Variants in NFE2 observed in about 807,000 individuals in gnomAD.
The protein encoded by NFE2 is nuclear factor, erythroid 2.
A neutral mutation model predicts 25.8 loss-of-function variants in NFE2; 13 were observed. The ratio of observed to expected loss-of-function variants is 0.50; its 90% CI spans 0.33 to 0.80. The LOEUF (loss-of-function observed/expected upper bound fraction) is 0.80, where lower values mean the gene tolerates loss of function less well. Ranked by LOEUF, NFE2 falls within the 30% of genes least tolerant of loss-of-function variation. NFE2 has a pLI of 0.02. For missense variants in NFE2, 382 were observed against 478.9 expected (o/e 0.80, Z 1.89); for synonymous variants, 204 against 200.2 (o/e 1.02, Z -0.16).
At chr12:54,298,975 T>A (rs1944398687) in intron 1 of NFE2, among the ~76,000 whole-genome samples, 1 of 150,292 alleles carries the variant, frequency 6.7e-6, no homozygotes, top group Non-Finnish European at 1.5e-5. Context: ...TGCTTGAACC[T>A]GGGCGGTAGA....
chr12:54,299,915 GAAGA>G (rs2137062226), intron 1 of NFE2, among the ~76,000 whole-genome samples: 1 of 152,168 alleles, frequency 6.6e-6, no homozygotes, highest in African/African-American at 2.4e-5. Flanking sequence ...GAGAACTCCC[GAAGA>G]GAGAGAGACA....
rs1312822686 is a variant in NFE2 at position 54,295,258 on chromosome 12, C to T, written c.-10G>A. ...GAGGACACGGGGACATCCTACTGGG[C>T]CAGAGTCTGGTCCAGGTTCCCGGAA... On this transcript the variant is annotated 5_prime_UTR_variant, in exon 2 of 3. Coordinates refer to ENST00000435572, the MANE Select transcript of NFE2 (RefSeq NM_001136023.3). The T allele has an allele frequency of 6.2e-7, 1 of 1,611,948 alleles. No homozygotes were observed. The highest frequency in any genetic ancestry group is 1.1e-5 in the South Asian group (1 of 91,004).
intron 1 of NFE2, among the ~76,000 whole-genome samples, chr12:54,299,018 T>C (rs1373070834): frequency 6.8e-6 from 1 of 147,362 alleles, no homozygotes; most frequent in Admixed American, 6.8e-5. Flanking sequence ...GCCACTACAC[T>C]CCAGCCTGGG....
chr12:54,296,366 C>T (rs1054811120), intron 1 of NFE2, among the ~76,000 whole-genome samples: 15 of 145,954 alleles, frequency 1.0e-4, no homozygotes, highest in African/African-American at 3.3e-4. Context: ...GCCGAGATCG[C>T]GCCACTGCAC....
intron 1 of NFE2, among the ~76,000 whole-genome samples, chr12:54,299,536 G>A (rs1398675392): frequency 6.6e-6 from 1 of 152,200 alleles, no homozygotes; most frequent in African/African-American, 2.4e-5. Context: ...AAATGGGGTT[G>A]TCACCAGGGA....
chr12:54,293,675 C>T (rs35365748), intron 2 of NFE2, among the ~76,000 whole-genome samples: 10 of 151,866 alleles, frequency 6.6e-5, no homozygotes, highest in Non-Finnish European at 1.3e-4. Context: ...ATGGTGAAAC[C>T]CCATCTCTGC....
chr12:54,293,519 G>T, intron 2 of NFE2, 138 bp from the exon 3 acceptor site: 1 of 994,746 alleles, frequency 1.0e-6, no homozygotes, highest in Non-Finnish European at 1.4e-6. Context: ...ATCACGGGAA[G>T]CTTCCTGCAA....
intron 1 of NFE2, chr12:54,297,765 A>G (rs1459835092): frequency 5.3e-5 from 8 of 151,280 alleles, no homozygotes; most frequent in Admixed American, 2.0e-4. Flanking sequence ...ACCACTCACC[A>G]CAAGGATGGC....
intron 1 of NFE2, chr12:54,300,107 A>T (rs1944409691): frequency 6.6e-6 from 1 of 152,126 alleles, no homozygotes; most frequent in South Asian, 2.1e-4. Context: ...GTCCTTTGGT[A>T]CCGATGTCTA....
rs1182088427 is a variant in NFE2, at chr12:54,292,866, G to T, written c.630C>A (p.Gly210=). Residue 210 remains glycine (G), a synonymous_variant, in exon 3 of 3, where the codon GGC becomes GGA. Coordinates refer to ENST00000435572, the MANE Select transcript of NFE2 (RefSeq NM_001136023.3). Reference sequence around the variant, plus strand: ...GTGCAGTGGGCTTAGCCCGCACAGGGCCTGAGGAGGGCTCTAAGGCCAAGG... The same window carrying T: ...GTGCAGTGGGCTTAGCCCGCACAGGTCCTGAGGAGGGCTCTAAGGCCAAGG... ...ETPLALEPSS[G]PVRAKPTARG... 2 of 1,613,850 alleles carry T rather than the reference G, an allele frequency of 1.2e-6. No individual in the cohort carries two copies. Among genetic ancestry groups the T allele is most frequent in the Admixed American group, 3.3e-5 (2 of 60,008 alleles).
In NFE2 at chr12:54,292,457, G is replaced by C. The variant is rs769625331; in HGVS notation, c.1039C>G (p.Pro347Ala). ...LRDESGNSYS[P>A]EEYALQQAAD... Reference sequence around the variant, plus strand: ...GCCTGTTGCAGCGCGTACTCTTCAGGAGAGTAGCTGTTGCCTGATTCATCC... The same window carrying C: ...GCCTGTTGCAGCGCGTACTCTTCAGCAGAGTAGCTGTTGCCTGATTCATCC... Residue 347 changes from proline to alanine, a missense_variant, in exon 3 of 3, where the codon CCT becomes GCT. Pro to Ala is a conservative substitution (Grantham distance 27). Coordinates refer to ENST00000435572, the MANE Select transcript of NFE2 (RefSeq NM_001136023.3). 4 of 1,614,196 alleles carry C rather than the reference G, an allele frequency of 2.5e-6. No homozygotes were observed. The South Asian group carries it at 4.4e-5, about 18-fold the overall frequency.
At chr12:54,295,652 G>A (rs911655435) in intron 1 of NFE2, 3 of 181,914 alleles carry the variant, frequency 1.6e-5, no homozygotes, top group Admixed American at 5.6e-5. Flanking sequence ...GTTTTGCTGT[G>A]TTTTGTTTTC....
chr12:54,294,286 A>T (rs1191958495), intron 2 of NFE2, among the ~76,000 whole-genome samples: 1 of 151,896 alleles, frequency 6.6e-6, no homozygotes, highest in Admixed American at 6.6e-5. Flanking sequence ...TTCCTTCAGG[A>T]AGTCAAAGCC....
Position 54,292,347 on chromosome 12 carries a change from T to C in NFE2, c.*27A>G. ...TCAGAAGGGAATGAAGGAAATCCCA[T>C]CAGCAGTTCCACCCCTCTGGGCCAG... On this transcript the variant is annotated 3_prime_UTR_variant, in exon 3 of 3. Transcript: ENST00000435572. 6.2e-7 allele frequency: 1 copy of C among 1,600,812 alleles called. No individual in the cohort carries two copies. Among genetic ancestry groups the C allele is most frequent in the Non-Finnish European group, 8.5e-7 (1 of 1,170,228 alleles).
rs137936359 is a variant in NFE2, at chr12:54,292,482, C to T, written c.1014G>A (p.Arg338=). 468 of 1,614,076 alleles carry T rather than the reference C, an allele frequency of 2.9e-4. 2 individuals are homozygous for T. The highest frequency in any genetic ancestry group is 1.2e-4 in the Admixed American group (7 of 60,004). ...ELYRDIFQHL[R]DESGNSYSPE... is the part of the protein sequence containing the mutation. ...GAGAGTAGCTGTTGCCTGATTCATC[C>T]CGAAGGTGCTGGAAAATGTCACGGT... The change falls in exon 3 of 3, where the codon CGG becomes CGA. Residue 338 remains arginine (R), a synonymous_variant. Coordinates refer to ENST00000435572, the MANE Select transcript of NFE2 (RefSeq NM_001136023.3).
At position 54,292,950 on chromosome 12, in the gene NFE2, G is replaced by A. The variant is rs994786966; in HGVS notation, c.546C>T (p.Tyr182=). 8.2e-6 allele frequency: 13 copies of A among 1,587,316 alleles called. No individual in the cohort carries two copies. Among genetic ancestry groups the A allele is most frequent in the Middle Eastern group, 3.4e-4 (2 of 5,930 alleles). The stretch of plus-strand genomic sequence containing the variant: ...GGGCCAAGGAGTTGGGCATGAGTGA[G>A]TAGGGGTACTCCACTGGGTACATCT... ...YVEMYPVEYP[Y]SLMPNSLAHS... is the part of the protein sequence containing the mutation. Residue 182 remains tyrosine, a synonymous_variant, in exon 3 of 3, where the codon TAC becomes TAT. Transcript: ENST00000435572.
Position 54,295,128 on chromosome 12 carries a change from T to G in NFE2, c.114+7A>C, listed in dbSNP as rs759705184. The G allele has an allele frequency of 2.5e-6, 4 of 1,610,410 alleles. No individual in the cohort carries two copies. In the East Asian group the frequency reaches 8.9e-5, roughly 36 times the overall value. The stretch of plus-strand genomic sequence containing the variant: ...CGGCCTCCCCTGCCCTATCCCCCCT[T>G]ACTCACCTGCAGCTCGGTGATGGAC... On this transcript the variant is annotated splice_region_variant and intron_variant, in intron 2 of 2. Coordinates refer to ENST00000435572, the MANE Select transcript of NFE2 (RefSeq NM_001136023.3).
In NFE2 at chr12:54,295,173, G is replaced by A. The variant is rs745525614; in HGVS notation, c.76C>T (p.Leu26=). 6.8e-6 allele frequency: 11 copies of A among 1,614,094 alleles called. No individual in the cohort carries two copies. Among genetic ancestry groups the A allele is most frequent in the Non-Finnish European group, 9.3e-6 (11 of 1,180,008 alleles). The change falls in exon 2 of 3, where the codon CTG becomes TTG. Residue 26 remains leucine (L), a synonymous_variant. Transcript: ENST00000435572. ...ATGGACATGATCTCCTGCCAAGTCA[G>A]TTCCATCTCTCCTAGCTCTGAAGTG... The part of the protein sequence containing the change: ...LSTSELGEME[L]TWQEIMSITE...
chr12:54,294,197 C>T (rs1010384942), intron 2 of NFE2, among the ~76,000 whole-genome samples: 1 of 147,784 alleles, frequency 6.8e-6, no homozygotes, highest in African/African-American at 2.5e-5. Context: ...AAGATTGCAC[C>T]ACTGCACTCC....
Sources: gnomAD v4.1 joint callset for allele counts (sites outside exome capture counted in the v4.1 genomes callset) on GRCh38, gnomAD v4.1.1 for gene constraint, MANE v1.5 for transcripts, NCBI Gene and HGNC (gene_info 2026-07-23, HGNC 2026-07-21) for gene names.